The following MOSPD2 variants were observed in gnomAD, a reference collection of about 807,000 sequenced individuals.
The protein encoded by MOSPD2 is motile sperm domain-containing protein 2.
In MOSPD2, 5 loss-of-function variants were observed where a neutral mutation model predicts 41.7. The ratio of observed to expected loss-of-function variants is 0.12; its 90% CI spans 0.06 to 0.25. MOSPD2 has a LOEUF of 0.25. MOSPD2 is among the 10% of genes least tolerant of loss of function. MOSPD2 has a pLI of 1.00. For synonymous variants in MOSPD2, 115 were observed against 126.9 expected, an observed-to-expected ratio of 0.91 and a Z score of 0.63; for missense variants, 282 against 375.2, an observed-to-expected ratio of 0.75 and a Z score of 2.05.
chrX:14,918,803 C>A, intron 14 of MOSPD2, 21 bp downstream of exon 14: 1 of 1,022,842 alleles, frequency 9.8e-7, no homozygotes, highest in Non-Finnish European at 1.4e-6. Context: ...TTTCTTCCTA[C>A]CCAAACAAAG....
chrX:14,881,929 G>A (rs771307467), intron 2 of MOSPD2, among the ~76,000 whole-genome samples: 11 of 109,842 alleles, frequency 1.0e-4, no homozygotes, highest in Non-Finnish European at 1.7e-4. Context: ...ACCAAACACC[G>A]CATGTTCTCA....
intron 7 of MOSPD2, among the ~76,000 whole-genome samples, chrX:14,907,459 A>G (rs1332363580): frequency 1.9e-4 from 21 of 112,517 alleles, no homozygotes; most frequent in Non-Finnish European, 1.9e-4. Flanking sequence ...CAGCCTAAAT[A>G]TTCATCAGTT....
intron 3 of MOSPD2, among the ~76,000 whole-genome samples, chrX:14,894,123 CTTTT>C (rs1321963498): frequency 1.2e-4 from 13 of 110,149 alleles, no homozygotes; most frequent in Admixed American, 9.7e-4. Context: ...CTTATCTTCT[CTTTT>C]CTTTCTTTCT....
At chrX:14,888,028 G>C (rs1400809508) in intron 2 of MOSPD2, among the ~76,000 whole-genome samples, 2 of 110,880 alleles carry the variant, frequency 1.8e-5, no homozygotes, top group African/African-American at 6.6e-5. Flanking sequence ...AGTTCATTAA[G>C]AAGGTTTCTT....
At chrX:14,913,433 A>G (rs1602040444) in intron 10 of MOSPD2, among the ~76,000 whole-genome samples, 1 of 111,649 alleles carries the variant, frequency 9.0e-6, no homozygotes, top group Non-Finnish European at 1.9e-5. Context: ...GCTCCTACAC[A>G]GACACAAGGA....
chrX:14,914,585 A>G lies in MOSPD2; in HGVS notation c.1075A>G (p.Ile359Val). The G allele has an allele frequency of 9.1e-7, 1 of 1,099,222 alleles. No homozygotes were observed. The highest frequency in any genetic ancestry group is 1.2e-6 in the Non-Finnish European group (1 of 802,601). 90.6% of individuals were successfully genotyped at this position (1,099,222 alleles called of 1,213,427 possible). A position where few individuals can be genotyped will look rare whatever the true frequency, so the allele number is the denominator to read the frequency against. The change falls in exon 11 of 15, where the codon ATA becomes GTA. Residue 359 changes from isoleucine to valine, a missense_variant. Coordinates refer to ENST00000380492, the MANE Select transcript of MOSPD2 (RefSeq NM_152581.4). Reference protein sequence around the residue: ...LIVLTNVTKNIVAFKVRTTAP... With the variant: ...LIVLTNVTKNVVAFKVRTTAP... ...AGTGTTGACAAATGTAACTAAAAAT[A>G]TAGTGGCATTTAAGGTAAATATCTT...
chrX:14,901,040 A>G (rs890558097), intron 6 of MOSPD2, among the ~76,000 whole-genome samples: 12 of 112,038 alleles, frequency 1.1e-4, no homozygotes, highest in Non-Finnish European at 1.7e-4. Context: ...TTGATAGAGT[A>G]CACTGTATAA....
intron 2 of MOSPD2, among the ~76,000 whole-genome samples, chrX:14,891,721 C>A (rs1429968118): frequency 9.2e-6 from 1 of 109,005 alleles, no homozygotes; most frequent in African/African-American, 3.3e-5. Context: ...GGTGCGCCAC[C>A]ACGCCCAGCT....
chrX:14,894,199 A>T (rs2092558828), intron 3 of MOSPD2, among the ~76,000 whole-genome samples: 1 of 109,084 alleles, frequency 9.2e-6, no homozygotes, highest in African/African-American at 3.4e-5. Flanking sequence ...TGTTGTGATC[A>T]TAGCTCACTG....
chrX:14,874,332 G>A (rs1355365113), intron 2 of MOSPD2: 1 of 113,172 alleles, frequency 8.8e-6, no homozygotes, highest in Non-Finnish European at 1.9e-5. Flanking sequence ...GTGTCCAGAT[G>A]TCACAGATAC....
intron 13 of MOSPD2, among the ~76,000 whole-genome samples, chrX:14,917,376 C>T (rs186100253): frequency 2.5e-3 from 275 of 111,644 alleles, no homozygotes; most frequent in Middle Eastern, 0.018. Context: ...CTCTTGACTC[C>T]AGTAAGGGAG....
intron 2 of MOSPD2, among the ~76,000 whole-genome samples, chrX:14,885,736 G>C (rs2092539971): frequency 9.1e-6 from 1 of 110,335 alleles, no homozygotes; most frequent in Admixed American, 9.7e-5. Flanking sequence ...GGTAACTTCA[G>C]CTTTATCTAT....
intron 2 of MOSPD2, among the ~76,000 whole-genome samples, chrX:14,879,913 C>CT (rs899746883): frequency 9.2e-6 from 1 of 108,394 alleles, no homozygotes. Flanking sequence ...TGAGATTGAG[C>CT]TTTTTTTTTC....
intron 5 of MOSPD2, among the ~76,000 whole-genome samples, chrX:14,899,075 C>T (rs1349248125): frequency 9.2e-6 from 1 of 108,426 alleles, no homozygotes; most frequent in African/African-American, 3.3e-5. Flanking sequence ...GGCCATCCTT[C>T]ACAACCAGTG....
intron 8 of MOSPD2, among the ~76,000 whole-genome samples, 195 bp downstream of exon 8, chrX:14,909,179 T>G (rs557146340): frequency 1.8e-5 from 2 of 112,134 alleles, no homozygotes; most frequent in East Asian, 5.6e-4. Flanking sequence ...AGGTAATATA[T>G]TTATGTGGTT....
intron 7 of MOSPD2, among the ~76,000 whole-genome samples, chrX:14,907,103 A>G (rs145801498): frequency 8.9e-6 from 1 of 112,831 alleles, no homozygotes; most frequent in African/African-American, 3.2e-5. Context: ...CAAATGGGCA[A>G]TAAGCACATA....
At chrX:14,897,391 A>G (rs1348043075) in intron 5 of MOSPD2, among the ~76,000 whole-genome samples, 153 bp downstream of exon 5, 1 of 112,137 alleles carries the variant, frequency 8.9e-6, no homozygotes, top group Non-Finnish European at 1.9e-5. Context: ...GTGTAGTCAA[A>G]CATGGAATAG....
At chrX:14,884,895 A>G (rs1404979719) in intron 2 of MOSPD2, among the ~76,000 whole-genome samples, 1 of 111,375 alleles carries the variant, frequency 9.0e-6, no homozygotes. Flanking sequence ...CTAACAACAT[A>G]AAAAACTACC....
intron 7 of MOSPD2, among the ~76,000 whole-genome samples, chrX:14,906,182 AT>A (rs2092581706): frequency 8.9e-6 from 1 of 112,282 alleles, no homozygotes; most frequent in Non-Finnish European, 1.9e-5. Context: ...TGATTTCAAA[AT>A]TTACTACAAA....
Sources: gnomAD v4.1 joint callset for allele counts (sites outside exome capture counted in the v4.1 genomes callset) on GRCh38, gnomAD v4.1.1 for gene constraint, MANE v1.5 for transcripts, NCBI Gene and HGNC (gene_info 2026-07-23, HGNC 2026-07-21) for gene names.